The following RALYL variants were observed in gnomAD, a reference collection of about 807,000 sequenced individuals.
RALYL encodes the protein RNA-binding Raly-like protein.
Under a neutral mutation model 35.1 loss-of-function variants are expected in RALYL, and 29 were observed. That is an observed-to-expected ratio of 0.83 (90% CI 0.61 to 1.13). The LOEUF (loss-of-function observed/expected upper bound fraction) is 1.13, where lower values mean the gene tolerates loss of function less well. Among genes scored for constraint, RALYL ranks in the 50% most tolerant of loss-of-function variants. The pLI, the probability that RALYL is intolerant of heterozygous loss-of-function variation, is 0.00. For synonymous variants in RALYL, 120 were observed against 127.6 expected, an observed-to-expected ratio of 0.94 and a Z score of 0.40; for missense variants, 359 against 360.4, an observed-to-expected ratio of 1.00 and a Z score of 0.03.
chr8:84,388,360 T>C (rs1859753200), intron 1 of RALYL, among the ~76,000 whole-genome samples: 1 of 152,168 alleles, frequency 6.6e-6, no homozygotes, highest in Non-Finnish European at 1.5e-5. Flanking sequence ...ATATACGCAG[T>C]AATGGGATGG....
chr8:84,858,923 A>G (rs1837570217), intron 5 of RALYL, among the ~76,000 whole-genome samples: 1 of 152,204 alleles, frequency 6.6e-6, no homozygotes, highest in African/African-American at 2.4e-5. Context: ...GGTCCATTAA[A>G]AGTTGTAAAA....
At chr8:84,311,834 A>T (rs921913296) in intron 1 of RALYL, among the ~76,000 whole-genome samples, 20 of 152,216 alleles carry the variant, frequency 1.3e-4, no homozygotes, top group African/African-American at 4.8e-4. Flanking sequence ...GAGTCAGAGC[A>T]ACAATACCAA....
intron 1 of RALYL, among the ~76,000 whole-genome samples, chr8:84,421,604 G>T (rs1437916844): frequency 3.8e-5 from 5 of 132,192 alleles, no homozygotes; most frequent in Admixed American, 7.9e-5. Flanking sequence ...AGTGGTGAGA[G>T]AGGGCATCCC....
intron 1 of RALYL, among the ~76,000 whole-genome samples, chr8:84,431,118 T>C (rs556488621): frequency 6.6e-6 from 1 of 152,274 alleles, no homozygotes; most frequent in South Asian, 2.1e-4. Context: ...GTACTTACAG[T>C]GTGCCTGGGA....
chr8:84,872,296 T>C (rs993160115), intron 6 of RALYL, among the ~76,000 whole-genome samples: 3 of 152,214 alleles, frequency 2.0e-5, no homozygotes, highest in African/African-American at 7.2e-5. Context: ...CTCGTGTCAC[T>C]GAGAATCCCC....
intron 2 of RALYL, among the ~76,000 whole-genome samples, chr8:84,661,637 T>TTTTATTTA (rs1216634181): frequency 2.0e-5 from 2 of 98,242 alleles, no homozygotes; most frequent in Non-Finnish European, 5.0e-5. Flanking sequence ...ATTTTATTTA[T>TTTTATTTA]TTTTTTTATT....
chr8:84,678,668 C>T (rs1834729128), intron 2 of RALYL: 2 of 152,172 alleles, frequency 1.3e-5, no homozygotes, highest in African/African-American at 4.8e-5. Context: ...ACATGGAGTT[C>T]TTTCTTGAGT....
chr8:84,784,102 G>C (rs2634047), intron 3 of RALYL, among the ~76,000 whole-genome samples: 46,374 of 151,974 alleles, frequency 0.31, 8,196 homozygotes, highest in African/African-American at 0.49. Context: ...CTTTTTTCAC[G>C]CATTCTCTGG....
intron 1 of RALYL, among the ~76,000 whole-genome samples, chr8:84,187,730 A>T (rs2130826343): frequency 6.6e-6 from 1 of 152,248 alleles, no homozygotes; most frequent in African/African-American, 2.4e-5. Context: ...TAATTAAAAG[A>T]AATGTGAAAT....
intron 8 of RALYL, among the ~76,000 whole-genome samples, chr8:84,898,678 G>A (rs1305003088): frequency 6.6e-6 from 1 of 152,176 alleles, no homozygotes; most frequent in Non-Finnish European, 1.5e-5. Context: ...GCAAGGAAGT[G>A]GAGCACTAGT....
At chr8:84,469,872 G>A (rs554194001) in intron 1 of RALYL, among the ~76,000 whole-genome samples, 106 of 152,294 alleles carry the variant, frequency 7.0e-4, no homozygotes, top group Non-Finnish European at 1.3e-3. Flanking sequence ...TCGGAAAAGC[G>A]CAGTATTCGG....
intron 4 of RALYL, among the ~76,000 whole-genome samples, chr8:84,829,953 G>A (rs941496854): frequency 7.3e-6 from 1 of 136,272 alleles, no homozygotes; most frequent in African/African-American, 2.7e-5. Context: ...CCTGAAGGAA[G>A]CTCATCTAAA....
At chr8:84,841,820 A>C (rs1833441760) in intron 4 of RALYL, among the ~76,000 whole-genome samples, 1 of 152,240 alleles carries the variant, frequency 6.6e-6, no homozygotes, top group South Asian at 2.1e-4. Flanking sequence ...AAACTCACTC[A>C]AAACCACTCA....
chr8:84,217,941 A>G (rs1821225001), intron 1 of RALYL, among the ~76,000 whole-genome samples: 1 of 152,138 alleles, frequency 6.6e-6, no homozygotes, highest in African/African-American at 2.4e-5. Context: ...AAGCTCATTA[A>G]CATATCCTCT....
At chr8:84,276,276 C>T (rs1004013273) in intron 1 of RALYL, among the ~76,000 whole-genome samples, 2 of 152,098 alleles carry the variant, frequency 1.3e-5, no homozygotes, top group African/African-American at 4.8e-5. Flanking sequence ...CCTAAATTAT[C>T]AAATACTGAA....
chr8:84,496,337 A>C (rs1342341807), intron 1 of RALYL, among the ~76,000 whole-genome samples: 2 of 152,152 alleles, frequency 1.3e-5, no homozygotes, highest in Non-Finnish European at 2.9e-5. Flanking sequence ...TGTGGTCTCA[A>C]GTTTGCAAAC....
At chr8:84,866,664 G>T (rs979248632) in intron 6 of RALYL, among the ~76,000 whole-genome samples, 88 of 152,070 alleles carry the variant, frequency 5.8e-4, no homozygotes, top group Admixed American at 5.7e-3. Context: ...AGCACATGTA[G>T]AGCTCTTAGA....
chr8:84,712,835 G>T (rs113430197), intron 2 of RALYL, among the ~76,000 whole-genome samples: 21 of 152,168 alleles, frequency 1.4e-4, no homozygotes, highest in African/African-American at 5.1e-4. Flanking sequence ...AAATAAGATT[G>T]GTGTTAAATG....
intron 1 of RALYL, among the ~76,000 whole-genome samples, chr8:84,330,737 G>A (rs1846648825): frequency 6.6e-6 from 1 of 151,968 alleles, no homozygotes; most frequent in South Asian, 2.1e-4. Context: ...CCTTTGTCCA[G>A]CTTTCTCCTT....
Sources: allele counts gnomAD v4.1 joint callset (sites outside exome capture counted in the v4.1 genomes callset), GRCh38; gene constraint gnomAD v4.1.1; transcripts MANE v1.5; gene names NCBI Gene and HGNC (gene_info 2026-07-23, HGNC 2026-07-21).